AP1M1: variants seen among roughly 807,000 people sequenced by gnomAD.
AP1M1 encodes the protein AP-1 complex subunit mu-1.
Under a neutral mutation model 57.1 loss-of-function variants are expected in AP1M1, and 18 were observed. That is an observed-to-expected ratio of 0.32 (90% CI 0.22 to 0.47). AP1M1 has a LOEUF of 0.47. AP1M1 is among the 20% of genes least tolerant of loss of function. The pLI is 1.00. For missense variants in AP1M1, 362 were observed against 593.5 expected, an observed-to-expected ratio of 0.61 and a Z score of 4.05; for synonymous variants, 241 against 237.9, an observed-to-expected ratio of 1.01 and a Z score of -0.12.
chr19:16,225,090 C>T (rs2091565488), intron 5 of AP1M1, among the ~76,000 whole-genome samples: 2 of 152,136 alleles, frequency 1.3e-5, no homozygotes, highest in South Asian at 2.1e-4. Flanking sequence ...GTGACAGAAC[C>T]GGAGCCCTTG....
At chr19:16,205,765 C>T (rs1310103501) in intron 2 of AP1M1, among the ~76,000 whole-genome samples, 1 of 152,234 alleles carries the variant, frequency 6.6e-6, no homozygotes, top group Non-Finnish European at 1.5e-5. Flanking sequence ...CTGTGCCAGA[C>T]ATCTCACCTA....
Position 16,236,454 on chromosome 19 carries a change from G to A in AP1M1, c.*2019G>A, listed in dbSNP as rs1455029085. 2 of 152,334 alleles carry A rather than the reference G, an allele frequency of 1.3e-5. No individual in the cohort carries two copies. Among genetic ancestry groups the A allele is most frequent in the East Asian group, 3.9e-4 (2 of 5,188 alleles). The allele number at this position is 152,334 out of a possible 1,614,324, so 9.4% of individuals were successfully genotyped here. On this transcript the variant is annotated 3_prime_UTR_variant, in exon 12 of 12. Coordinates refer to ENST00000291439, the MANE Select transcript of AP1M1 (RefSeq NM_032493.4). ...GAAGACACCGTGGGGGCTCACACCGGAGTTGCTCTTGGAAACCACCGGGTT... is the reference window on the plus strand; with the variant it reads ...GAAGACACCGTGGGGGCTCACACCGAAGTTGCTCTTGGAAACCACCGGGTT...
Position 16,203,915 on chromosome 19 carries a change from G to T in AP1M1, c.199+300G>T, listed in dbSNP as rs1053188389. On this transcript the variant is annotated intron_variant, in intron 2 of 11. Coordinates refer to ENST00000291439, the MANE Select transcript of AP1M1 (RefSeq NM_032493.4). This position sits in a 1 kb window ranked among gnomAD's most constrained non-coding sequence, Gnocchi z 4.6. ...CCTGGCTTCTGCCAGCTGGAGGGGT[G>T]GGCAGGCACTAGGCGTGGGTGAAGG... Among the ~76,000 whole-genome samples the T allele has an allele frequency of 6.6e-6, 1 of 152,184 alleles. No homozygotes were observed. Among genetic ancestry groups the T allele is most frequent in the African/African-American group, 2.4e-5 (1 of 41,444 alleles).
intron 4 of AP1M1, 136 bp from the exon 5 acceptor site, chr19:16,208,894 G>A: frequency 9.4e-7 from 1 of 1,067,098 alleles, no homozygotes; most frequent in East Asian, 2.5e-5. Context: ...TGGAGCTGCT[G>A]AAATCCAAGG....
chr19:16,200,756 C>A (rs1011525719), intron 1 of AP1M1, among the ~76,000 whole-genome samples: 6 of 152,238 alleles, frequency 3.9e-5, no homozygotes, highest in African/African-American at 1.4e-4. Context: ...GCTTCTGACA[C>A]CACTAACCAC....
At position 16,227,336 on chromosome 19, in the gene AP1M1, C is replaced by T. The variant is rs2091575703; in HGVS notation, c.674-212C>T. Among the ~76,000 whole-genome samples the T allele has an allele frequency of 6.6e-6, 1 of 152,044 alleles. No homozygotes were observed. Among genetic ancestry groups the T allele is most frequent in the South Asian group, 2.1e-4 (1 of 4,826 alleles). ...GCTGGGGACTCAGCATGAACCAGAC[C>T]CACCAGCCCTGCCCCTGGGGACCCC... is the stretch of plus-strand genomic sequence containing the variant. On this transcript the variant is annotated intron_variant, in intron 6 of 11. Transcript: ENST00000291439. This position sits in a 1 kb window ranked among gnomAD's most constrained non-coding sequence, Gnocchi z 6.2.
chr19:16,221,232 G>A (rs1015747492), intron 5 of AP1M1, among the ~76,000 whole-genome samples: 1 of 152,264 alleles, frequency 6.6e-6, no homozygotes, highest in South Asian at 2.1e-4. Context: ...GGTTCAAGCT[G>A]TTATAAGTAA....
Position 16,197,942 on chromosome 19 carries a change from C to G in AP1M1, c.-85C>G, listed in dbSNP as rs1254111031. The G allele has an allele frequency of 7.8e-7, 1 of 1,287,394 alleles. No individual in the cohort carries two copies. Among genetic ancestry groups the G allele is most frequent in the Non-Finnish European group, 1.0e-6 (1 of 954,534 alleles). The allele number at this position is 1,287,394 out of a possible 1,614,324, so 79.7% of individuals were successfully genotyped here. ...GGAGGTGAGCTGTCGCGGGCGGCGC[C>G]CGGCCTTGCTCAACGCCCAGCAGTC... is the stretch of plus-strand genomic sequence containing the variant. On this transcript the variant is annotated 5_prime_UTR_variant, in exon 1 of 12. Coordinates refer to ENST00000291439, the MANE Select transcript of AP1M1 (RefSeq NM_032493.4).
At chr19:16,230,356 C>T (rs1186844442) in intron 9 of AP1M1, among the ~76,000 whole-genome samples, 2 of 151,600 alleles carry the variant, frequency 1.3e-5, no homozygotes, top group East Asian at 3.9e-4. Flanking sequence ...TATGTACATT[C>T]TCCTAGACAT....
In AP1M1 at chr19:16,239,275, T is replaced by A. The variant is rs1403348712; in HGVS notation, c.*4840T>A. On this transcript the variant is annotated 3_prime_UTR_variant, in exon 12 of 12. Transcript: ENST00000291439. ...TTTTTTTTTTTTTTTTTTTTTTTTT[T>A]TTTTAAGACTGCAAAGCTGGGCATG... 2 of 75,742 alleles carry A rather than the reference T, an allele frequency of 2.6e-5. No homozygotes were observed. Among genetic ancestry groups the A allele is most frequent in the Admixed American group, 1.9e-4 (1 of 5,320 alleles). The allele number at this position is 75,742 out of a possible 1,614,324, so 4.7% of individuals were successfully genotyped here.
intron 5 of AP1M1, among the ~76,000 whole-genome samples, chr19:16,209,688 C>T (rs920701390): frequency 5.9e-5 from 9 of 152,054 alleles, no homozygotes; most frequent in African/African-American, 1.9e-4. Context: ...GTCACCCTCT[C>T]GGGCCTCATT....
chr19:16,210,405 T>G, intron 5 of AP1M1: 1 of 718,258 alleles, frequency 1.4e-6, no homozygotes, highest in South Asian at 1.5e-5. Context: ...GGTAAGTGTA[T>G]GTTTACCTTT....
At position 16,241,608 on chromosome 19, in the gene AP1M1, T is replaced by C. The variant is rs956572456; in HGVS notation, c.*7173T>C. ...GCTAAAGTCCACGAGGGCCACGTAT[T>C]TATATATAATTTCTAGACCAGTGGT... is the stretch of plus-strand genomic sequence containing the variant. On this transcript the variant is annotated 3_prime_UTR_variant, in exon 12 of 12. Transcript: ENST00000291439. 3 of 151,964 alleles carry C rather than the reference T, an allele frequency of 2.0e-5. No individual in the cohort carries two copies. In the East Asian group the frequency reaches 5.8e-4, roughly 29 times the overall value. The allele number at this position is 151,964 out of a possible 1,614,324, so 9.4% of individuals were successfully genotyped here.
rs894207992 is a variant in AP1M1, at chr19:16,228,055, C to T, written c.817-82C>T. 3 of 1,411,950 alleles carry T rather than the reference C, an allele frequency of 2.1e-6. No homozygotes were observed. In the African/African-American group the frequency reaches 4.2e-5, roughly 20 times the overall value. 87.5% of individuals were successfully genotyped at this position (1,411,950 alleles called of 1,614,324 possible). On this transcript the variant is annotated intron_variant, in intron 7 of 11. Transcript: ENST00000291439. The surrounding 1 kb of genome is among the most constrained non-coding windows in gnomAD (Gnocchi z 5.0). ...CCACACCTGGGCAGATGGTCCCTTG[C>T]CCTGGGCCTTGGTTTCCCCTCTGAA...
chr19:16,200,943 A>G (rs2091444320), intron 1 of AP1M1, among the ~76,000 whole-genome samples: 1 of 151,686 alleles, frequency 6.6e-6, no homozygotes, highest in African/African-American at 2.4e-5. Context: ...ACTCATGTCC[A>G]TGGGCCAGTG....
At chr19:16,219,298 A>C (rs1349674297) in intron 5 of AP1M1, among the ~76,000 whole-genome samples, 2 of 151,582 alleles carry the variant, frequency 1.3e-5, no homozygotes, top group African/African-American at 4.9e-5. Flanking sequence ...AGTGTTTTGG[A>C]TTTCAGATTT....
chr19:16,214,759 T>C (rs77670180), intron 5 of AP1M1, among the ~76,000 whole-genome samples: 17 of 151,526 alleles, frequency 1.1e-4, no homozygotes, highest in African/African-American at 4.1e-4. Flanking sequence ...TTATTCTTCT[T>C]TTTTTTTGAG....
chr19:16,209,586 A>G (rs1444814012), intron 5 of AP1M1, among the ~76,000 whole-genome samples: 1 of 151,810 alleles, frequency 6.6e-6, no homozygotes, highest in East Asian at 1.9e-4. Flanking sequence ...ATGAGGTTAG[A>G]AAGTGAAGGG....
chr19:16,234,086 C>T, intron 10 of AP1M1, 113 bp from the exon 11 acceptor site: 1 of 1,031,368 alleles, frequency 9.7e-7, no homozygotes, highest in Non-Finnish European at 1.4e-6. Flanking sequence ...CTGTGCTCAT[C>T]CTGTCGTCAT....
Sources: allele counts gnomAD v4.1 joint callset (sites outside exome capture counted in the v4.1 genomes callset), GRCh38; gene constraint gnomAD v4.1.1; non-coding constraint Gnocchi (gnomAD v3.1); transcripts MANE v1.5; gene names NCBI Gene and HGNC (gene_info 2026-07-23, HGNC 2026-07-21).